MAF: variants seen among roughly 807,000 people sequenced by gnomAD.
MAF encodes the protein MAF bZIP transcription factor, also known as transcription factor Maf.
Under a neutral mutation model 22.0 loss-of-function variants are expected in MAF, and 10 were observed. The ratio of observed to expected loss-of-function variants is 0.45; its 90% CI spans 0.28 to 0.77. The LOEUF (loss-of-function observed/expected upper bound fraction) is 0.77. Ranked by LOEUF, MAF falls within the 30% of genes least tolerant of loss-of-function variation. The probability of loss-of-function intolerance (pLI) is 0.12; values close to 1 mark genes in which losing one functional copy is unlikely to be tolerated. For synonymous variants in MAF, 337 were observed against 255.8 expected (o/e 1.32, Z -3.03); for missense variants, 544 against 548.4 (o/e 0.99, Z 0.08).
the MAF span, among the ~76,000 whole-genome samples, chr16:79,515,321 A>G: frequency 2.6e-5 from 4 of 152,238 alleles, no homozygotes; most frequent in African/African-American, 9.6e-5. Context: ...GGTTCCACTT[A>G]TGGAATTTTT....
downstream of MAF, among the ~76,000 whole-genome samples, chr16:79,591,521 G>A (rs1050414052): frequency 6.6e-6 from 1 of 152,214 alleles, no homozygotes; most frequent in Non-Finnish European, 1.5e-5. Flanking sequence ...GAAACGAATT[G>A]TGTTGAACAA....
the MAF span, among the ~76,000 whole-genome samples, chr16:79,523,020 T>G: frequency 6.6e-6 from 1 of 152,208 alleles, no homozygotes; most frequent in Non-Finnish European, 1.5e-5. Context: ...ATTTTGAGGA[T>G]TTACTTCATG....
At chr16:79,211,854 G>A in the MAF span, 2 of 1,607,584 alleles carry the variant, frequency 1.2e-6, no homozygotes, top group Non-Finnish European at 1.7e-6. Flanking sequence ...CCTCACGCAA[G>A]TGCCAGGGCT....
the MAF span, among the ~76,000 whole-genome samples, chr16:79,502,680 T>A: frequency 5.6e-5 from 1 of 17,948 alleles, no homozygotes; most frequent in African/African-American, 1.0e-4. Flanking sequence ...AATAAATAAA[T>A]ATAAATATAA....
chr16:79,439,150 G>T, the MAF span, among the ~76,000 whole-genome samples: 1 of 151,618 alleles, frequency 6.6e-6, no homozygotes, highest in East Asian at 1.9e-4. Flanking sequence ...TTCATTCATC[G>T]TTCATTTACG....
At chr16:79,391,412 G>A in the MAF span, among the ~76,000 whole-genome samples, 4,746 of 152,262 alleles carry the variant, frequency 0.031, 250 homozygotes, top group African/African-American at 0.11. Flanking sequence ...ACAGATAGGA[G>A]GGAAGCAATT....
At chr16:79,293,448 C>CT in the MAF span, among the ~76,000 whole-genome samples, 2 of 152,170 alleles carry the variant, frequency 1.3e-5, no homozygotes, top group African/African-American at 4.8e-5. Context: ...GTAATATACA[C>CT]TTTCTATATG....
At chr16:79,516,319 T>C in the MAF span, 1 of 152,200 alleles carries the variant, frequency 6.6e-6, no homozygotes, top group Non-Finnish European at 1.5e-5. Flanking sequence ...CCTATTCTGT[T>C]CTAAGGATGC....
the MAF span, among the ~76,000 whole-genome samples, chr16:79,256,697 C>T: frequency 6.6e-6 from 1 of 152,176 alleles, no homozygotes; most frequent in African/African-American, 2.4e-5. Context: ...CACTGCCTTC[C>T]ATGTCTGTTC....
At chr16:79,371,271 A>G in the MAF span, among the ~76,000 whole-genome samples, 1 of 152,168 alleles carries the variant, frequency 6.6e-6, no homozygotes, top group South Asian at 2.1e-4. Context: ...TTTCAAAATA[A>G]GAAGTGGAAA....
chr16:79,346,701 C>G, the MAF span, among the ~76,000 whole-genome samples: 5 of 152,100 alleles, frequency 3.3e-5, no homozygotes, highest in Admixed American at 6.5e-5. Context: ...GGGGTGTGAG[C>G]CAGTACCCCA....
At chr16:79,470,250 C>T in the MAF span, among the ~76,000 whole-genome samples, 1 of 152,224 alleles carries the variant, frequency 6.6e-6, no homozygotes, top group African/African-American at 2.4e-5. Context: ...TTCCTTTGTC[C>T]TCTGAACCCC....
chr16:79,368,314 G>T, the MAF span, among the ~76,000 whole-genome samples: 1 of 152,080 alleles, frequency 6.6e-6, no homozygotes, highest in Non-Finnish European at 1.5e-5. Flanking sequence ...ATCCATAAGA[G>T]AAGGTAATGG....
chr16:79,283,289 A>G, the MAF span, among the ~76,000 whole-genome samples: 3 of 152,246 alleles, frequency 2.0e-5, no homozygotes, highest in African/African-American at 7.2e-5. Context: ...AAAGCACGCC[A>G]TGTTACATTA....
chr16:79,546,839 G>T, the MAF span, among the ~76,000 whole-genome samples: 1 of 152,100 alleles, frequency 6.6e-6, no homozygotes. Context: ...TATAATTATT[G>T]GAAATTACAG....
the MAF span, among the ~76,000 whole-genome samples, chr16:79,209,357 G>C: frequency 6.6e-6 from 1 of 152,186 alleles, no homozygotes; most frequent in African/African-American, 2.4e-5. Flanking sequence ...CATTACAGTA[G>C]GTCATAGTGG....
At chr16:79,577,415 C>T in the MAF span, among the ~76,000 whole-genome samples, 7 of 152,104 alleles carry the variant, frequency 4.6e-5, no homozygotes, top group Non-Finnish European at 7.4e-5. Context: ...CAATTGATAC[C>T]TTAATTGCTT....
chr16:79,431,994 C>T, the MAF span, among the ~76,000 whole-genome samples: 59 of 152,038 alleles, frequency 3.9e-4, no homozygotes, highest in Non-Finnish European at 1.9e-4. Context: ...TGCCTAAAAC[C>T]ACGGATATTT....
chr16:79,276,465 A>G, the MAF span, among the ~76,000 whole-genome samples: 2,276 of 152,270 alleles, frequency 0.015, 21 homozygotes, highest in Non-Finnish European at 0.022. Flanking sequence ...TCTCCATTAC[A>G]CAAGCTGGAA....
Sources: allele counts gnomAD v4.1 joint callset (sites outside exome capture counted in the v4.1 genomes callset), GRCh38; gene constraint gnomAD v4.1.1; transcripts MANE v1.5; gene names NCBI Gene and HGNC (gene_info 2026-07-23, HGNC 2026-07-21).